Variants in CRBN observed in about 807,000 individuals in gnomAD.
CRBN encodes the protein protein cereblon.
In CRBN, 53 loss-of-function variants were observed where a neutral mutation model predicts 62.2. The observed-to-expected ratio is 0.85, with a 90% CI of 0.68 to 1.07. The LOEUF is 1.07. CRBN is among the 50% of genes least tolerant of loss of function. The pLI is 0.00. For missense variants in CRBN, 616 were observed against 531.1 expected (o/e 1.16, Z -1.57); for synonymous variants, 208 against 176.1 (o/e 1.18, Z -1.43).
intron 5 of CRBN, among the ~76,000 whole-genome samples, chr3:3,161,836 T>C (rs1256496655): frequency 6.6e-6 from 1 of 152,228 alleles, no homozygotes; most frequent in Non-Finnish European, 1.5e-5. Context: ...AGTATGGGAC[T>C]GGTTATACAG....
intron 5 of CRBN, among the ~76,000 whole-genome samples, chr3:3,162,852 C>A (rs1209435623): frequency 6.6e-6 from 1 of 152,112 alleles, no homozygotes; most frequent in African/African-American, 2.4e-5. Context: ...GTGGGATGGA[C>A]AAATCAGATA....
chr3:3,154,150 T>C, intron 7 of CRBN, 75 bp from the exon 8 acceptor site: 1 of 865,266 alleles, frequency 1.2e-6, no homozygotes, highest in South Asian at 1.3e-5. Flanking sequence ...TCGGATAATA[T>C]CCTTTTGAAA....
chr3:3,159,543 A>T (rs1453007254), intron 5 of CRBN, among the ~76,000 whole-genome samples: 1 of 152,242 alleles, frequency 6.6e-6, no homozygotes, highest in African/African-American at 2.4e-5. Context: ...AATGTGGCAC[A>T]CTAGCATATT....
At chr3:3,156,302 C>T in intron 5 of CRBN, 21 bp from the exon 6 acceptor site, 1 of 1,609,180 alleles carries the variant, frequency 6.2e-7, no homozygotes, top group Non-Finnish European at 8.5e-7. Flanking sequence ...AACAAAAAGG[C>T]ACTTAAAAAA....
chr3:3,153,584 A>AT, intron 8 of CRBN, 96 bp from the exon 9 acceptor site: 6 of 785,662 alleles, frequency 7.6e-6, no homozygotes, highest in African/African-American at 1.7e-5. Flanking sequence ...TTATAAAGAT[A>AT]TTGCTCTCTC....
intron 1 of CRBN, 139 bp from the exon 2 acceptor site, chr3:3,175,408 G>A: frequency 1.5e-6 from 1 of 668,936 alleles, no homozygotes; most frequent in Non-Finnish European, 2.6e-6. Context: ...GAGGGAGCCA[G>A]AGGACTGGGG....
intron 4 of CRBN, chr3:3,172,082 T>C (rs561542336): frequency 6.6e-6 from 1 of 152,396 alleles, no homozygotes; most frequent in Admixed American, 6.5e-5. Context: ...GTGTATCCCT[T>C]GAATTTGTGC....
At chr3:3,151,316 T>C (rs2126048176) in intron 10 of CRBN, among the ~76,000 whole-genome samples, 1 of 152,358 alleles carries the variant, frequency 6.6e-6, no homozygotes, top group Non-Finnish European at 1.5e-5. Context: ...AATTTCTTTA[T>C]AGAAATTGCT....
chr3:3,163,135 G>T (rs747848833), intron 5 of CRBN, among the ~76,000 whole-genome samples: 1 of 152,300 alleles, frequency 6.6e-6, no homozygotes, highest in African/African-American at 2.4e-5. Flanking sequence ...GTCCAAAATA[G>T]ATCAGCTAGC....
intron 5 of CRBN, among the ~76,000 whole-genome samples, chr3:3,159,865 C>A (rs1707065181): frequency 6.6e-6 from 1 of 152,178 alleles, no homozygotes. Flanking sequence ...GGAAAGGCTC[C>A]TGTCTTATAT....
At chr3:3,163,003 C>T (rs1707199646) in intron 5 of CRBN, among the ~76,000 whole-genome samples, 1 of 152,204 alleles carries the variant, frequency 6.6e-6, no homozygotes, top group Admixed American at 6.5e-5. Context: ...GGTCCCACTG[C>T]ATACGGAGTT....
chr3:3,152,333 TTACTCATTTGTCTGTCTACTTTTTATTA>T, intron 10 of CRBN, 95 bp downstream of exon 10: 1 of 1,089,312 alleles, frequency 9.2e-7, no homozygotes, highest in Non-Finnish European at 1.4e-6. Context: ...TTGTAGCAAA[TTACTCATTTGTCTGTCTACTTTTTATTA>T]TAAAGATTGT....
At chr3:3,163,706 T>G (rs1167084436) in intron 5 of CRBN, among the ~76,000 whole-genome samples, 3 of 152,158 alleles carry the variant, frequency 2.0e-5, no homozygotes, top group Admixed American at 2.0e-4. Context: ...AGCGTTAATT[T>G]AGGATTTTTA....
At chr3:3,167,851 A>C (rs759195279) in intron 4 of CRBN, 58 bp from the exon 5 acceptor site, 2 of 1,532,262 alleles carry the variant, frequency 1.3e-6, no homozygotes, top group Non-Finnish European at 1.8e-6. Flanking sequence ...ACTCAAAACT[A>C]TAAGTTTCTA....
In CRBN at chr3:3,151,017, T is replaced by G. The variant is rs751645075; in HGVS notation, c.1177A>C (p.Ile393Leu). The G allele has an allele frequency of 1.2e-6, 2 of 1,613,784 alleles. No individual in the cohort carries two copies. The highest frequency in any genetic ancestry group is 3.3e-5 in the Admixed American group (2 of 59,920). ...TTCCATCCAATATGGCTTGCACAGA[T>G]CTTACACTGGGCAACAGTCCAGGCA... ...GYAWTVAQCK[I>L]CASHIGWKFT... Residue 393 changes from isoleucine to leucine, a missense_variant, in exon 11 of 11, where the codon ATC (isoleucine) becomes CTC (leucine). By Grantham distance (5) the Ile-to-Leu change is conservative (BLOSUM62 2). Coordinates refer to ENST00000231948, the MANE Select transcript of CRBN (RefSeq NM_016302.4).
chr3:3,171,951 G>C (rs1028314553), intron 4 of CRBN, among the ~76,000 whole-genome samples: 1 of 152,168 alleles, frequency 6.6e-6, no homozygotes, highest in Non-Finnish European at 1.5e-5. Context: ...GAGACCTCAC[G>C]GGTGATGCCA....
intron 5 of CRBN, chr3:3,156,487 G>C (rs954792878): frequency 1.6e-5 from 9 of 574,830 alleles, no homozygotes; most frequent in Non-Finnish European, 2.8e-5. Flanking sequence ...ATTGTAACTA[G>C]AATCTTCATT....
intron 4 of CRBN, among the ~76,000 whole-genome samples, chr3:3,169,272 T>TC (rs1707498987): frequency 6.6e-6 from 1 of 152,186 alleles, no homozygotes; most frequent in South Asian, 2.1e-4. Flanking sequence ...CTGGTTCTTC[T>TC]CCCAGCAGCT....
intron 5 of CRBN, among the ~76,000 whole-genome samples, chr3:3,161,433 T>G (rs969578262): frequency 6.8e-6 from 1 of 146,524 alleles, no homozygotes; most frequent in Non-Finnish European, 1.5e-5. Context: ...GATGAAACAA[T>G]AAAAATAAGT....
Sources: allele counts gnomAD v4.1 joint callset (sites outside exome capture counted in the v4.1 genomes callset), GRCh38; gene constraint gnomAD v4.1.1; transcripts MANE v1.5; gene names NCBI Gene and HGNC (gene_info 2026-07-23, HGNC 2026-07-21).